ADK: variants seen among roughly 807,000 people sequenced by gnomAD.
ADK encodes the protein N6,N6-dimethyladenosine kinase.
ADK carries 24 observed loss-of-function variants against 44.7 expected under a neutral mutation model. That is an observed-to-expected ratio of 0.54 (90% CI 0.39 to 0.76). ADK has a LOEUF of 0.76. Among genes scored for constraint, ADK ranks in the 30% least tolerant of loss-of-function variants. The probability of loss-of-function intolerance (pLI) is 0.00; values close to 1 mark genes in which losing one functional copy is unlikely to be tolerated. For synonymous variants in ADK, 128 were observed against 142.6 expected, an observed-to-expected ratio of 0.90 and a Z score of 0.73; for missense variants, 321 against 425.1, an observed-to-expected ratio of 0.76 and a Z score of 2.15.
In ADK at chr10:74,323,574, CT is replaced by C. The variant is rs869227224; in HGVS notation, c.273+8843del. Among the ~76,000 whole-genome samples, 291 of 143,670 alleles carry C rather than the reference CT, an allele frequency of 2.0e-3. 1 individual carries two copies. Among genetic ancestry groups the C allele is most frequent in the Admixed American group, 2.1e-3 (30 of 14,430 alleles). The allele number at this position is 143,670 out of a possible 152,430, so 94.3% of individuals were successfully genotyped here. On this transcript the variant is annotated intron_variant, in intron 4 of 10. Transcript: ENST00000539909. The stretch of plus-strand genomic sequence containing the variant: ...GTTTCACAATATTTTCTTTTCTTTT[CT>C]TTTTTTTTTTTTTGAGATGGAGTCT...
At chr10:74,279,330 C>T (rs888784998) in intron 3 of ADK, among the ~76,000 whole-genome samples, 1 of 151,764 alleles carries the variant, frequency 6.6e-6, no homozygotes, top group Non-Finnish European at 1.5e-5. Flanking sequence ...TGGCTCACGC[C>T]TGTAATCCCA....
Position 74,224,571 on chromosome 10 carries a change from T to C in ADK, c.174T>C (p.Ala58=). The stretch of plus-strand genomic sequence containing the variant: ...TGAAACCAAATGACCAAATCTTGGC[T>C]GAAGACAAACACAAGGAACTGTAAG... ...YSLKPNDQIL[A]EDKHKELFDE... is the part of the protein sequence containing the mutation. Residue 58 remains alanine (A), a synonymous_variant, in exon 3 of 11, where the codon GCT becomes GCC. Transcript: ENST00000539909. 6.2e-7 allele frequency: 1 copy of C among 1,613,768 alleles called. No homozygotes were observed. The highest frequency in any genetic ancestry group is 1.1e-5 in the South Asian group (1 of 91,072).
At chr10:74,674,462 T>A (rs1165552872) in intron 10 of ADK, among the ~76,000 whole-genome samples, 3 of 151,058 alleles carry the variant, frequency 2.0e-5, no homozygotes. Flanking sequence ...GGCGAAACTC[T>A]GTCTCTACTA....
intron 9 of ADK, among the ~76,000 whole-genome samples, chr10:74,640,357 T>A (rs1853797556): frequency 1.3e-5 from 2 of 152,236 alleles, no homozygotes; most frequent in South Asian, 4.1e-4. Flanking sequence ...CAACACCATA[T>A]GTGGCTTTTA....
intron 1 of ADK, among the ~76,000 whole-genome samples, chr10:74,152,067 G>T (rs1313438912): frequency 1.3e-5 from 2 of 152,198 alleles, no homozygotes; most frequent in African/African-American, 2.4e-5. Flanking sequence ...GGCAGTCTTT[G>T]ATGATTTGGA....
chr10:74,553,270 T>G (rs1850108094), intron 7 of ADK, among the ~76,000 whole-genome samples: 1 of 140,974 alleles, frequency 7.1e-6, no homozygotes, highest in Non-Finnish European at 1.5e-5. Flanking sequence ...GTGCAATCTC[T>G]GCTCACTGCA....
At position 74,242,782 on chromosome 10, in the gene ADK, C is replaced by T. The variant is rs556154743; in HGVS notation, c.194+18191C>T. 1.2e-4 allele frequency among the ~76,000 whole-genome samples: 19 copies of T among 152,272 alleles called. No homozygotes were observed. In the East Asian group the frequency reaches 1.7e-3, roughly 14 times the overall value. On this transcript the variant is annotated intron_variant, in intron 3 of 10. Transcript: ENST00000539909. Reference sequence around the variant, plus strand: ...CCCGCATCCTGTGCCTGTAAAGCCCCGGACTCAGTAGGTAGAGAGGAGAGA... The same window carrying T: ...CCCGCATCCTGTGCCTGTAAAGCCCTGGACTCAGTAGGTAGAGAGGAGAGA...
At chr10:74,697,892 T>C (rs918337503) in intron 10 of ADK, among the ~76,000 whole-genome samples, 1 of 152,220 alleles carries the variant, frequency 6.6e-6, no homozygotes, top group Non-Finnish European at 1.5e-5. Context: ...CTCCTCTTTT[T>C]GTACAACTTT....
chr10:74,447,715 A>G (rs915853456), intron 6 of ADK, among the ~76,000 whole-genome samples: 2 of 152,198 alleles, frequency 1.3e-5, no homozygotes, highest in Admixed American at 1.3e-4. Flanking sequence ...GGAGATCATG[A>G]TAGCACTTAC....
chr10:74,348,194 C>T (rs770173831), intron 4 of ADK, among the ~76,000 whole-genome samples: 5 of 152,182 alleles, frequency 3.3e-5, no homozygotes, highest in Non-Finnish European at 7.3e-5. Context: ...CTCTGGCTGG[C>T]ATCAGGCTGG....
intron 6 of ADK, among the ~76,000 whole-genome samples, chr10:74,427,587 A>G (rs1389930692): frequency 6.6e-6 from 1 of 152,186 alleles, no homozygotes; most frequent in Non-Finnish European, 1.5e-5. Context: ...GGAAGAAGGG[A>G]CAAACATATA....
At chr10:74,173,597 A>C (rs1842233084) in intron 1 of ADK, among the ~76,000 whole-genome samples, 1 of 149,204 alleles carries the variant, frequency 6.7e-6, no homozygotes, top group Non-Finnish European at 1.5e-5. Flanking sequence ...CGCCCAACTA[A>C]TTCTTGTATT....
At chr10:74,656,702 G>T (rs529676119) in intron 9 of ADK, among the ~76,000 whole-genome samples, 1 of 152,318 alleles carries the variant, frequency 6.6e-6, no homozygotes, top group Non-Finnish European at 1.5e-5. Context: ...TCACAGGGTT[G>T]ACGTGAGGAT....
intron 9 of ADK, among the ~76,000 whole-genome samples, chr10:74,665,596 A>G (rs1008250798): frequency 1.3e-5 from 2 of 152,118 alleles, no homozygotes; most frequent in Non-Finnish European, 2.9e-5. Flanking sequence ...TTAGCCAGGC[A>G]TGTTGGCTTG....
intron 7 of ADK, among the ~76,000 whole-genome samples, chr10:74,535,427 C>T (rs1849416469): frequency 6.6e-6 from 1 of 152,032 alleles, no homozygotes; most frequent in Non-Finnish European, 1.5e-5. Flanking sequence ...CATGCAACTG[C>T]ACTCCGGTCT....
intron 4 of ADK, among the ~76,000 whole-genome samples, chr10:74,329,790 A>G (rs1188649180): frequency 6.6e-6 from 1 of 152,238 alleles, no homozygotes; most frequent in African/African-American, 2.4e-5. Flanking sequence ...TAATGACTTT[A>G]TGAAGATGGC....
Position 74,187,521 on chromosome 10 carries a change from TTC to T in ADK, c.66-13229_66-13228del, listed in dbSNP as rs149684142. Reference sequence around the variant, plus strand: ...GCACATACACACACACACACACTCTTTCTCTCTCTCTCTCTAAATATTTTCTC... The same window carrying T: ...GCACATACACACACACACACACTCTTTCTCTCTCTCTCTAAATATTTTCTC... On this transcript the variant is annotated intron_variant, in intron 1 of 10. Coordinates refer to ENST00000539909, the MANE Select transcript of ADK (RefSeq NM_006721.4). Among the ~76,000 whole-genome samples, 69 of 151,074 alleles carry T rather than the reference TTC, an allele frequency of 4.6e-4. No individual in the cohort carries two copies. The South Asian group carries it at 0.014, about 30-fold the overall frequency.
intron 6 of ADK, among the ~76,000 whole-genome samples, chr10:74,417,755 A>G (rs965712294): frequency 6.6e-6 from 1 of 152,072 alleles, no homozygotes; most frequent in Non-Finnish European, 1.5e-5. Context: ...TACTTTAAAA[A>G]AAAAAAAAGC....
intron 1 of ADK, among the ~76,000 whole-genome samples, chr10:74,154,546 G>A (rs1841698144): frequency 6.6e-6 from 1 of 152,130 alleles, no homozygotes; most frequent in South Asian, 2.1e-4. Flanking sequence ...TGGGATTACA[G>A]GTGTGAGCCA....
Sources: allele counts gnomAD v4.1 joint callset (sites outside exome capture counted in the v4.1 genomes callset), GRCh38; gene constraint gnomAD v4.1.1; transcripts MANE v1.5; gene names NCBI Gene and HGNC (gene_info 2026-07-23, HGNC 2026-07-21).